Variants in SCML4 observed in about 807,000 individuals in gnomAD.
SCML4 encodes sex comb on midleg-like protein 4.
A neutral mutation model predicts 41.1 loss-of-function variants in SCML4; 34 were observed. That is an observed-to-expected ratio of 0.83 (90% CI 0.63 to 1.10). The LOEUF (loss-of-function observed/expected upper bound fraction) is 1.10. Ranked by LOEUF, SCML4 falls within the 50% of genes least tolerant of loss-of-function variation. The pLI, the probability that SCML4 is intolerant of heterozygous loss-of-function variation, is 0.00. For missense variants in SCML4, 522 were observed against 534.1 expected, an observed-to-expected ratio of 0.98 and a Z score of 0.22; for synonymous variants, 214 against 220.9, an observed-to-expected ratio of 0.97 and a Z score of 0.28.
intron 1 of SCML4, among the ~76,000 whole-genome samples, chr6:107,806,195 C>CG (rs72561581): frequency 0.68 from 102,822 of 151,484 alleles, 36,529 homozygotes; most frequent in East Asian, 0.87. Flanking sequence ...TTCCCCCCCC[C>CG]CAATAAACAA....
intron 6 of SCML4, among the ~76,000 whole-genome samples, chr6:107,714,859 T>C (rs1186185025): frequency 6.6e-6 from 1 of 151,548 alleles, no homozygotes; most frequent in Non-Finnish European, 1.5e-5. Context: ...GGCCACCAGC[T>C]CACTCCCCTG....
intron 5 of SCML4, among the ~76,000 whole-genome samples, chr6:107,738,540 G>A (rs544701912): frequency 8.4e-4 from 128 of 151,988 alleles, no homozygotes; most frequent in African/African-American, 2.9e-3. Context: ...AGAATTGCTC[G>A]AATCCAGGAG....
chr6:107,775,648 A>C (rs1780881390), intron 1 of SCML4, among the ~76,000 whole-genome samples: 1 of 152,216 alleles, frequency 6.6e-6, no homozygotes. Context: ...AGATTATTTT[A>C]TTTTGGGACA....
Position 107,802,045 on chromosome 6 carries a change from A to G in SCML4, c.-60+22081T>C, listed in dbSNP as rs529993811. Among the ~76,000 whole-genome samples the G allele has an allele frequency of 1.1e-4, 17 of 152,120 alleles. No individual in the cohort carries two copies. In the South Asian group the frequency reaches 2.3e-3, roughly 20 times the overall value. On this transcript the variant is annotated intron_variant, in intron 1 of 7. Coordinates refer to ENST00000369020, the MANE Select transcript of SCML4 (RefSeq NM_198081.5). ...CTCTGTCTCCCAAAGTGCTGGGATT[A>G]CAGGCGTGAGCCACTGCACCCGGCC...
chr6:107,769,587 G>A (rs966275873), intron 2 of SCML4, among the ~76,000 whole-genome samples: 1 of 152,268 alleles, frequency 6.6e-6, no homozygotes, highest in South Asian at 2.1e-4. Context: ...CTGGAGAAGA[G>A]CCTGCCAAAG....
At chr6:107,713,354 TA>T (rs1406556072) in intron 6 of SCML4, among the ~76,000 whole-genome samples, 1 of 152,132 alleles carries the variant, frequency 6.6e-6, no homozygotes, top group African/African-American at 2.4e-5. Context: ...TGTTGTAAAA[TA>T]AAAGGGCTTG....
chr6:107,829,843 C>T, the SCML4 span, among the ~76,000 whole-genome samples: 3 of 152,168 alleles, frequency 2.0e-5, no homozygotes, highest in South Asian at 4.1e-4. Context: ...AATTTTTCCT[C>T]GTCACATTGG....
intron 2 of SCML4, among the ~76,000 whole-genome samples, chr6:107,751,291 T>C (rs1778598724): frequency 1.3e-5 from 2 of 152,216 alleles, no homozygotes; most frequent in African/African-American, 2.4e-5. Context: ...GTTGAGGCAT[T>C]TCTTGGGTGA....
chr6:107,789,688 T>C (rs1272836977), intron 1 of SCML4, among the ~76,000 whole-genome samples: 2 of 152,148 alleles, frequency 1.3e-5, no homozygotes, highest in Non-Finnish European at 2.9e-5. Flanking sequence ...CAGATTCATC[T>C]CTGAGTCGTC....
At chr6:107,812,914 CAT>C (rs1491412262) in intron 1 of SCML4, among the ~76,000 whole-genome samples, 1,689 of 151,084 alleles carry the variant, frequency 0.011, 31 homozygotes, top group African/African-American at 0.038. Flanking sequence ...CACACACACA[CAT>C]ACCCTATTGG....
intron 1 of SCML4, among the ~76,000 whole-genome samples, chr6:107,817,767 C>T (rs12194084): frequency 6.6e-6 from 1 of 151,872 alleles, no homozygotes; most frequent in East Asian, 1.9e-4. Flanking sequence ...AAAGAAAGAA[C>T]CAATCCTCTA....
In SCML4 at chr6:107,755,586, TG is replaced by T. The variant is rs75302347; in HGVS notation, c.157-5774del. On this transcript the variant is annotated intron_variant, in intron 2 of 7. Transcript: ENST00000369020. ...CAGCACAAACCTCTCTCCAGTGGAA[TG>T]GGGGGGTTCTCTGCCTGTCGCAACC... is the stretch of plus-strand genomic sequence containing the variant. 19 of 1,342,014 alleles carry T rather than the reference TG, an allele frequency of 1.4e-5. No individual in the cohort carries two copies. In the East Asian group the frequency reaches 2.4e-4, roughly 17 times the overall value. 83.1% of individuals were successfully genotyped at this position (1,342,014 alleles called of 1,614,324 possible).
intron 1 of SCML4, among the ~76,000 whole-genome samples, chr6:107,800,013 T>A (rs1782987549): frequency 6.6e-6 from 1 of 152,026 alleles, no homozygotes; most frequent in Admixed American, 6.6e-5. Context: ...TGTGGTTTTT[T>A]GTTTTGTTTT....
chr6:107,747,933 G>A (rs1778284414), intron 3 of SCML4, among the ~76,000 whole-genome samples: 1 of 152,118 alleles, frequency 6.6e-6, no homozygotes, highest in African/African-American at 2.4e-5. Context: ...TTTGGTAACA[G>A]TTGCTGAACT....
intron 1 of SCML4, among the ~76,000 whole-genome samples, chr6:107,777,059 G>A (rs920048523): frequency 3.3e-5 from 5 of 152,122 alleles, no homozygotes; most frequent in African/African-American, 1.2e-4. Context: ...GTCTGGGCAG[G>A]AAAATACTAA....
intron 1 of SCML4, among the ~76,000 whole-genome samples, chr6:107,819,411 C>T (rs1162900376): frequency 2.0e-5 from 3 of 152,150 alleles, no homozygotes; most frequent in Non-Finnish European, 4.4e-5. Flanking sequence ...GAGTCACCAT[C>T]GCGGGGCTAA....
chr6:107,793,685 C>T (rs1036363506), intron 1 of SCML4, among the ~76,000 whole-genome samples: 2 of 152,218 alleles, frequency 1.3e-5, no homozygotes, highest in East Asian at 1.9e-4. Context: ...CATTGGCTCA[C>T]GCCTGTAATC....
At chr6:107,813,534 T>C (rs945146716) in intron 1 of SCML4, among the ~76,000 whole-genome samples, 1 of 151,210 alleles carries the variant, frequency 6.6e-6, no homozygotes, top group Admixed American at 6.6e-5. Flanking sequence ...GTTTACAGAA[T>C]GGTCATGGAA....
chr6:107,791,560 G>C (rs2114614625), intron 1 of SCML4, among the ~76,000 whole-genome samples: 1 of 152,284 alleles, frequency 6.6e-6, no homozygotes, highest in Middle Eastern at 3.4e-3. Context: ...AATAATCAGA[G>C]AACTGATTAT....
Sources: allele counts gnomAD v4.1 joint callset (sites outside exome capture counted in the v4.1 genomes callset), GRCh38; gene constraint gnomAD v4.1.1; transcripts MANE v1.5; gene names NCBI Gene and HGNC (gene_info 2026-07-23, HGNC 2026-07-21).